ATAD2B: variants seen among roughly 807,000 people sequenced by gnomAD.
ATAD2B encodes the protein ATPase family AAA domain containing 2B.
ATAD2B carries 40 observed loss-of-function variants against 167.6 expected under a neutral mutation model. That is an observed-to-expected ratio of 0.24 (90% CI 0.19 to 0.31). The LOEUF (loss-of-function observed/expected upper bound fraction) is 0.31, where lower values mean the gene tolerates loss of function less well. ATAD2B is among the 10% of genes least tolerant of loss of function. The pLI, the probability that ATAD2B is intolerant of heterozygous loss-of-function variation, is 1.00. For synonymous variants in ATAD2B, 579 were observed against 596.5 expected, an observed-to-expected ratio of 0.97 and a Z score of 0.43; for missense variants, 1,242 against 1,757.2, an observed-to-expected ratio of 0.71 and a Z score of 5.24.
At chr2:23,877,715 T>C (rs867825916) in intron 7 of ATAD2B, among the ~76,000 whole-genome samples, 16 of 148,294 alleles carry the variant, frequency 1.1e-4, no homozygotes, top group Middle Eastern at 3.5e-3. Flanking sequence ...GTAATAAAAA[T>C]ACAAAAATTA....
chr2:23,879,416 T>C (rs1056504729), intron 7 of ATAD2B, among the ~76,000 whole-genome samples: 6 of 152,042 alleles, frequency 3.9e-5, no homozygotes, highest in African/African-American at 1.4e-4. Context: ...AAGACCAGCC[T>C]CGGCAACACA....
chr2:23,772,639 GA>G (rs1198139290), intron 22 of ATAD2B, among the ~76,000 whole-genome samples: 4 of 147,558 alleles, frequency 2.7e-5, no homozygotes, highest in South Asian at 2.2e-4. Flanking sequence ...AATAAATGAA[GA>G]AAAAAAATCC....
chr2:23,738,722 G>A, the ATAD2B span, among the ~76,000 whole-genome samples: 5 of 152,248 alleles, frequency 3.3e-5, no homozygotes, highest in Non-Finnish European at 7.3e-5. Context: ...ATGTAAATGG[G>A]CTAAATGCTC....
intron 25 of ATAD2B, among the ~76,000 whole-genome samples, chr2:23,756,805 A>C (rs986086274): frequency 2.0e-5 from 3 of 152,176 alleles, no homozygotes; most frequent in African/African-American, 7.2e-5. Context: ...ACTTCCTGGA[A>C]TGAATATACC....
intron 13 of ATAD2B, among the ~76,000 whole-genome samples, chr2:23,855,554 A>G (rs1302377372): frequency 6.6e-6 from 1 of 152,178 alleles, no homozygotes; most frequent in East Asian, 1.9e-4. Flanking sequence ...AAACTTAAAC[A>G]CACATTTACC....
At chr2:23,911,335 G>A (rs1487858639) in intron 1 of ATAD2B, among the ~76,000 whole-genome samples, 5 of 151,896 alleles carry the variant, frequency 3.3e-5, no homozygotes, top group African/African-American at 9.7e-5. Flanking sequence ...TAGGCAGATC[G>A]CTTGAGCCCA....
intron 13 of ATAD2B, among the ~76,000 whole-genome samples, chr2:23,840,969 C>T (rs969021181): frequency 1.3e-5 from 2 of 152,110 alleles, no homozygotes; most frequent in African/African-American, 4.8e-5. Context: ...TACAGTGGCA[C>T]GATCATGGTT....
At position 23,754,764 on chromosome 2, in the gene ATAD2B, T is replaced by C. The variant is rs765098475; in HGVS notation, c.4089A>G (p.Lys1363=). ...DAELDKEGAS[K]VKKYRKLILE... ...AAATTAATTTACGGTATTTCTTTACTTTAGAAGCACCTATAATTGAGACAA... is the reference window on the plus strand; with the variant it reads ...AAATTAATTTACGGTATTTCTTTACCTTAGAAGCACCTATAATTGAGACAA... The change falls in exon 26 of 28, where the codon AAA becomes AAG. Residue 1363 remains lysine, a synonymous_variant. Transcript: ENST00000238789. 3.7e-6 allele frequency: 6 copies of C among 1,612,084 alleles called. No homozygotes were observed. Among genetic ancestry groups the C allele is most frequent in the Non-Finnish European group, 4.2e-6 (5 of 1,178,856 alleles).
In ATAD2B at chr2:23,859,666, G is replaced by A. The variant is rs551359355; in HGVS notation, c.1480-2163C>T. Reference sequence around the variant, plus strand: ...AAACTCATGTTGAAATTTAATTGCCGGCCGGGCTTGGTGGCTCATGCCTGT... The same window carrying A: ...AAACTCATGTTGAAATTTAATTGCCAGCCGGGCTTGGTGGCTCATGCCTGT... On this transcript the variant is annotated intron_variant, in intron 12 of 27. Coordinates refer to ENST00000238789, the MANE Select transcript of ATAD2B (RefSeq NM_017552.4). Among the ~76,000 whole-genome samples the A allele has an allele frequency of 2.4e-4, 37 of 152,154 alleles. No homozygotes were observed. In the East Asian group the frequency reaches 4.4e-3, roughly 18 times the overall value.
At chr2:23,922,612 A>T (rs577602428) in intron 1 of ATAD2B, among the ~76,000 whole-genome samples, 1 of 151,306 alleles carries the variant, frequency 6.6e-6, no homozygotes, top group South Asian at 2.1e-4. Context: ...TACAACTCCA[A>T]AGGAAGAAAA....
At chr2:23,742,997 C>A in the ATAD2B span, among the ~76,000 whole-genome samples, 1 of 151,906 alleles carries the variant, frequency 6.6e-6, no homozygotes, top group Non-Finnish European at 1.5e-5. Flanking sequence ...CTGAAAATTA[C>A]GAAAGCCTTA....
the ATAD2B span, chr2:23,708,208 T>C: frequency 6.6e-6 from 1 of 152,266 alleles, no homozygotes; most frequent in African/African-American, 2.4e-5. Context: ...GGCTCCCACT[T>C]GGACAAGATA....
At chr2:23,796,167 A>G (rs1208861492) in intron 19 of ATAD2B, among the ~76,000 whole-genome samples, 1 of 152,240 alleles carries the variant, frequency 6.6e-6, no homozygotes, top group Non-Finnish European at 1.5e-5. Context: ...TAATCAAAAG[A>G]GAATTCCCAT....
chr2:23,691,486 C>A, the ATAD2B span: 1 of 600,636 alleles, frequency 1.7e-6, no homozygotes, highest in Admixed American at 2.9e-5. Flanking sequence ...TTCTTTTGGG[C>A]GTCTCTGGTC....
At chr2:23,915,472 T>TA (rs925663731) in intron 1 of ATAD2B, among the ~76,000 whole-genome samples, 20 of 147,332 alleles carry the variant, frequency 1.4e-4, no homozygotes, top group African/African-American at 3.2e-4. Flanking sequence ...ACTCACTATT[T>TA]AAAAAAAAAG....
chr2:23,919,311 C>T (rs1335883731), intron 1 of ATAD2B, among the ~76,000 whole-genome samples: 2 of 152,054 alleles, frequency 1.3e-5, no homozygotes, highest in African/African-American at 4.8e-5. Context: ...CTTTGGGAGG[C>T]CGGGGTGGGT....
At chr2:23,700,857 G>T in the ATAD2B span, among the ~76,000 whole-genome samples, 1 of 152,156 alleles carries the variant, frequency 6.6e-6, no homozygotes, top group Admixed American at 6.5e-5. This position sits in a 1 kb window ranked among gnomAD's most constrained non-coding sequence, Gnocchi z 4.6. Flanking sequence ...CTCACTCGCT[G>T]TTGGGACCTT....
chr2:23,867,943 A>G lies in ATAD2B; in HGVS notation c.1080T>C (p.Cys360=). 6.3e-7 allele frequency: 1 copy of G among 1,596,628 alleles called. No individual in the cohort carries two copies. Among genetic ancestry groups the G allele is most frequent in the Non-Finnish European group, 8.5e-7 (1 of 1,173,080 alleles). ...CCTCTGCTCTGAAGTTCATAGGCAA[A>G]CATCTGAAATTTATAAAAGTGCAAG... ...SKSMARARNR[C]LPMNFRAEDL... Residue 360 remains cysteine (C), a synonymous_variant, in exon 10 of 28, where the codon TGT becomes TGC. Transcript: ENST00000238789.
chr2:23,785,203 T>C (rs1680643356), intron 21 of ATAD2B, among the ~76,000 whole-genome samples: 1 of 152,024 alleles, frequency 6.6e-6, no homozygotes, highest in Admixed American at 6.6e-5. Context: ...ATTTCACAAT[T>C]AGGATACAAC....
Sources: gnomAD v4.1 joint callset for allele counts (sites outside exome capture counted in the v4.1 genomes callset) on GRCh38, gnomAD v4.1.1 for gene constraint, Gnocchi (gnomAD v3.1) non-coding constraint, MANE v1.5 for transcripts, NCBI Gene and HGNC (gene_info 2026-07-23, HGNC 2026-07-21) for gene names.